The following SLCO3A1 variants were observed in gnomAD, a reference collection of about 807,000 sequenced individuals.
The protein encoded by SLCO3A1 is solute carrier organic anion transporter family member 3A1.
In SLCO3A1, 27 loss-of-function variants were observed where a neutral mutation model predicts 63.1. The observed-to-expected ratio is 0.43, with a 90% CI of 0.32 to 0.59. SLCO3A1 has a LOEUF of 0.59. SLCO3A1 is among the 20% of genes least tolerant of loss of function. The probability of loss-of-function intolerance (pLI) is 0.09; values close to 1 mark genes in which losing one functional copy is unlikely to be tolerated. For synonymous variants in SLCO3A1, 473 were observed against 409.9 expected, an observed-to-expected ratio of 1.15 and a Z score of -1.86; for missense variants, 773 against 945.8, an observed-to-expected ratio of 0.82 and a Z score of 2.40.
At chr15:91,926,588 T>TGCGC (rs1567189184) in intron 2 of SLCO3A1, among the ~76,000 whole-genome samples, 1 of 106,310 alleles carries the variant, frequency 9.4e-6, no homozygotes, top group African/African-American at 4.1e-5. Flanking sequence ...TGTGTGTGTG[T>TGCGC]GTGTGTGTGC....
At chr15:92,069,136 T>C (rs1271696223) in intron 2 of SLCO3A1, among the ~76,000 whole-genome samples, 1 of 111,546 alleles carries the variant, frequency 9.0e-6, no homozygotes, top group East Asian at 3.1e-4. Context: ...AGGGGACATT[T>C]GCCAATAGCT....
At chr15:91,936,872 C>T (rs1899430740) in intron 2 of SLCO3A1, among the ~76,000 whole-genome samples, 1 of 152,150 alleles carries the variant, frequency 6.6e-6, no homozygotes, top group South Asian at 2.1e-4. Flanking sequence ...TCCTGTTTCT[C>T]TCGTAGGCAC....
At chr15:92,071,219 C>T (rs1055526980) in intron 2 of SLCO3A1, among the ~76,000 whole-genome samples, 4 of 152,120 alleles carry the variant, frequency 2.6e-5, no homozygotes, top group Admixed American at 6.5e-5. Context: ...GGTTGAGGAG[C>T]GGTTGGGTGC....
At chr15:91,915,948 G>GCAT in intron 1 of SLCO3A1, 45 bp from the exon 2 acceptor site, 1 of 1,507,658 alleles carries the variant, frequency 6.6e-7, no homozygotes, top group Non-Finnish European at 9.1e-7. Context: ...GGCTTCCTGG[G>GCAT]CATCTTCTTG....
intron 2 of SLCO3A1, among the ~76,000 whole-genome samples, chr15:92,051,953 T>C (rs950913387): frequency 6.6e-6 from 1 of 152,178 alleles, no homozygotes; most frequent in Non-Finnish European, 1.5e-5. Context: ...GGGGAGCAGT[T>C]GGTGATGACC....
intron 2 of SLCO3A1, among the ~76,000 whole-genome samples, chr15:92,011,513 T>TA (rs11336879): frequency 2.6e-5 from 4 of 151,452 alleles, no homozygotes; most frequent in Non-Finnish European, 5.9e-5. Context: ...ACATGCTTCT[T>TA]AAAAAAAAAA....
rs556044807 is a variant in SLCO3A1, at chr15:92,067,888, A to T, written c.647-26993A>T. On this transcript the variant is annotated intron_variant, in intron 2 of 9. Coordinates refer to ENST00000318445, the MANE Select transcript of SLCO3A1 (RefSeq NM_013272.4). The stretch of plus-strand genomic sequence containing the variant: ...CTTGCAGATTCAGTGTCTCGTGAGG[A>T]TCAGCTTCTTGATTCATAGACGGCC... 5.9e-4 allele frequency among the ~76,000 whole-genome samples: 90 copies of T among 152,232 alleles called. 1 individual carries two copies. The highest frequency in any genetic ancestry group is 9.4e-4 in the Non-Finnish European group (64 of 67,996).
In SLCO3A1 at chr15:91,941,629, C is replaced by G; in HGVS notation, c.646+25171C>G. 4.5e-6 allele frequency: 2 copies of G among 444,550 alleles called. No homozygotes were observed. Among genetic ancestry groups the G allele is most frequent in the Non-Finnish European group, 9.0e-6 (2 of 222,744 alleles). The allele number at this position is 444,550 out of a possible 1,614,324, so 27.5% of individuals were successfully genotyped here. ...TTGGAGGTTTTGAAGCTTCTAATCT[C>G]CCATGGGTTTTGTACTTTTTCTTAC... On this transcript the variant is annotated intron_variant, in intron 2 of 9. Transcript: ENST00000318445. The surrounding 1 kb of genome is among the most constrained non-coding windows in gnomAD (Gnocchi z 4.4).
intron 4 of SLCO3A1, among the ~76,000 whole-genome samples, chr15:92,108,682 T>A (rs1052410478): frequency 1.3e-5 from 2 of 152,206 alleles, no homozygotes; most frequent in African/African-American, 4.8e-5. Flanking sequence ...TGCAGCCGCA[T>A]GTCCATCTGC....
In SLCO3A1 at chr15:91,948,314, G is replaced by A. The variant is rs553774306; in HGVS notation, c.646+31856G>A. 2.0e-5 allele frequency among the ~76,000 whole-genome samples: 3 copies of A among 152,278 alleles called. No individual in the cohort carries two copies. In the East Asian group the frequency reaches 5.8e-4, roughly 29 times the overall value. On this transcript the variant is annotated intron_variant, in intron 2 of 9. Transcript: ENST00000318445. This position sits in a 1 kb window ranked among gnomAD's most constrained non-coding sequence, Gnocchi z 4.8. ...ACCCTGCGTAGTGCTCCTGGGAGGT[G>A]CATTTGAGCTGTCCTAGAAGGGCTT... is the stretch of plus-strand genomic sequence containing the variant.
intron 5 of SLCO3A1, among the ~76,000 whole-genome samples, chr15:92,125,204 G>C (rs1013229925): frequency 6.6e-6 from 1 of 152,170 alleles, no homozygotes; most frequent in Non-Finnish European, 1.5e-5. Context: ...TGATTGGCAA[G>C]AAGGCAGCCT....
chr15:91,933,398 AT>A (rs1156339914), intron 2 of SLCO3A1, among the ~76,000 whole-genome samples: 2 of 152,164 alleles, frequency 1.3e-5, no homozygotes, highest in Non-Finnish European at 2.9e-5. Flanking sequence ...GAAGTAATCA[AT>A]TTTTCTTTGT....
chr15:91,869,778 G>T (rs553878960), intron 1 of SLCO3A1, among the ~76,000 whole-genome samples: 1 of 152,074 alleles, frequency 6.6e-6, no homozygotes, highest in African/African-American at 2.4e-5. Flanking sequence ...CATCTTGGGG[G>T]TTGTGTGGAA....
At chr15:92,130,845 C>T (rs2047984582) in intron 7 of SLCO3A1, among the ~76,000 whole-genome samples, 1 of 150,844 alleles carries the variant, frequency 6.6e-6, no homozygotes, top group Non-Finnish European at 1.5e-5. Context: ...CCCTCCCTCG[C>T]CCCCTTTTTT....
At chr15:91,884,789 G>A (rs145826322) in intron 1 of SLCO3A1, among the ~76,000 whole-genome samples, 353 of 151,718 alleles carry the variant, frequency 2.3e-3, no homozygotes, top group African/African-American at 8.3e-3. Context: ...TTTGGATTAC[G>A]CATTTTTTTG....
rs1896869649 is a variant in SLCO3A1, at chr15:91,854,696, G to A, written c.180+608G>A. Among the ~76,000 whole-genome samples the A allele has an allele frequency of 6.6e-6, 1 of 152,190 alleles. No homozygotes were observed. Among genetic ancestry groups the A allele is most frequent in the Non-Finnish European group, 1.5e-5 (1 of 68,044 alleles). ...GGTATCCCTATAGCCCTCTTTGAGC[G>A]TCTGGGATAAAGTTACGGTACCTAG... is the stretch of plus-strand genomic sequence containing the variant. On this transcript the variant is annotated intron_variant, in intron 1 of 9. Coordinates refer to ENST00000318445, the MANE Select transcript of SLCO3A1 (RefSeq NM_013272.4). This position sits in a 1 kb window ranked among gnomAD's most constrained non-coding sequence, Gnocchi z 6.4.
intron 2 of SLCO3A1, among the ~76,000 whole-genome samples, chr15:91,984,091 T>C (rs1237339604): frequency 6.6e-6 from 1 of 152,178 alleles, no homozygotes; most frequent in Admixed American, 6.5e-5. Context: ...GGCCACCAGG[T>C]CAGATTTGCA....
chr15:91,959,943 A>T (rs949686854), intron 2 of SLCO3A1, among the ~76,000 whole-genome samples: 3 of 152,014 alleles, frequency 2.0e-5, no homozygotes, highest in Admixed American at 1.3e-4. Flanking sequence ...TGATTTGCCC[A>T]TTCTTAACAT....
intron 2 of SLCO3A1, among the ~76,000 whole-genome samples, chr15:91,932,881 T>C (rs1467512716): frequency 6.6e-6 from 1 of 152,246 alleles, no homozygotes; most frequent in Non-Finnish European, 1.5e-5. Flanking sequence ...ATGATGATGA[T>C]GTGTGCTTCC....
Sources: allele counts gnomAD v4.1 joint callset (sites outside exome capture counted in the v4.1 genomes callset), GRCh38; gene constraint gnomAD v4.1.1; non-coding constraint Gnocchi (gnomAD v3.1); transcripts MANE v1.5; gene names NCBI Gene and HGNC (gene_info 2026-07-23, HGNC 2026-07-21).